STXBP6: variants seen among roughly 807,000 people sequenced by gnomAD.
STXBP6 encodes syntaxin-binding protein 6.
STXBP6 carries 21 observed loss-of-function variants against 26.9 expected under a neutral mutation model. The ratio of observed to expected loss-of-function variants is 0.78; its 90% CI spans 0.55 to 1.12. The LOEUF (loss-of-function observed/expected upper bound fraction) is 1.12. STXBP6 is among the 50% of genes most tolerant of loss of function. The probability of loss-of-function intolerance (pLI) is 0.00; values close to 1 mark genes in which losing one functional copy is unlikely to be tolerated. For missense variants in STXBP6, 232 were observed against 257.9 expected (o/e 0.90, Z 0.69); for synonymous variants, 97 against 92.6 (o/e 1.05, Z -0.27).
intron 2 of STXBP6, among the ~76,000 whole-genome samples, chr14:24,956,674 CT>C (rs1357752062): frequency 1.3e-5 from 2 of 152,058 alleles, no homozygotes; most frequent in African/African-American, 2.4e-5. Flanking sequence ...AGCACGTCAG[CT>C]TAAAGAACAA....
chr14:24,990,866 GGA>G (rs1488339376), intron 1 of STXBP6, among the ~76,000 whole-genome samples: 2 of 151,538 alleles, frequency 1.3e-5, no homozygotes, highest in Non-Finnish European at 2.9e-5. Flanking sequence ...AGAAGAGGAG[GGA>G]GAGAGAGGAA....
intron 1 of STXBP6, chr14:25,010,789 T>C (rs1230787681): frequency 6.6e-6 from 1 of 152,140 alleles, no homozygotes; most frequent in Non-Finnish European, 1.5e-5. Flanking sequence ...TTCTTTTCTT[T>C]GGGGGATAGG....
At chr14:24,906,454 A>G (rs2071390076) in intron 2 of STXBP6, among the ~76,000 whole-genome samples, 1 of 152,218 alleles carries the variant, frequency 6.6e-6, no homozygotes, top group African/African-American at 2.4e-5. Context: ...GATGATGATC[A>G]TCTGTGTGCA....
chr14:24,904,158 A>C (rs1001714242), intron 2 of STXBP6, among the ~76,000 whole-genome samples: 3 of 152,142 alleles, frequency 2.0e-5, no homozygotes, highest in African/African-American at 7.2e-5. Flanking sequence ...ATGAGAACCA[A>C]AACAAGTAAG....
At chr14:24,939,956 A>G (rs2072744828) in intron 2 of STXBP6, among the ~76,000 whole-genome samples, 1 of 152,244 alleles carries the variant, frequency 6.6e-6, no homozygotes. Context: ...GTCCCAGTCC[A>G]TATCCTCAAA....
chr14:24,933,525 C>T (rs1826463361), intron 2 of STXBP6, among the ~76,000 whole-genome samples: 1 of 152,016 alleles, frequency 6.6e-6, no homozygotes, highest in African/African-American at 2.4e-5. Flanking sequence ...AGGGGCTAAT[C>T]CACCAAAAAG....
In STXBP6 at chr14:24,858,622, A is replaced by C. The variant is rs902071676; in HGVS notation, c.155-1465T>G. Among the ~76,000 whole-genome samples the C allele has an allele frequency of 5.3e-5, 8 of 152,266 alleles. 2 individuals carry two copies. The highest frequency in any genetic ancestry group is 3.9e-4 in the Admixed American group (6 of 15,276). On this transcript the variant is annotated intron_variant, in intron 2 of 5. Transcript: ENST00000323944. ...CTTCTATTCACAAATAGGAACAACC[A>C]TTCCCTCTAATTGAATTCAGGCAGT...
intron 1 of STXBP6, among the ~76,000 whole-genome samples, chr14:24,982,426 C>A (rs1248651344): frequency 2.0e-5 from 3 of 152,228 alleles, no homozygotes; most frequent in Non-Finnish European, 2.9e-5. Context: ...ACCTGGTGAA[C>A]AGAGCACCAG....
chr14:24,979,018 T>G (rs984994654), intron 1 of STXBP6, among the ~76,000 whole-genome samples: 4 of 152,216 alleles, frequency 2.6e-5, no homozygotes, highest in African/African-American at 4.8e-5. Context: ...AAACCTCCAT[T>G]GTTAAGGCAT....
At position 24,979,488 on chromosome 14, in the gene STXBP6, A is replaced by T. The variant is rs570002388; in HGVS notation, c.-32-4638T>A. Among the ~76,000 whole-genome samples, 4 of 152,366 alleles carry T rather than the reference A, an allele frequency of 2.6e-5. No homozygotes were observed. The South Asian group carries it at 8.3e-4, about 32-fold the overall frequency. ...GAACTTCAGTTTGGTGAACCCAAAT[A>T]AGTTAGAAATAAGAGAAATAAGATT... On this transcript the variant is annotated intron_variant, in intron 1 of 5. Transcript: ENST00000323944.
At chr14:24,946,814 T>C (rs1595166157) in intron 2 of STXBP6, among the ~76,000 whole-genome samples, 1 of 152,008 alleles carries the variant, frequency 6.6e-6, no homozygotes, top group Non-Finnish European at 1.5e-5. Context: ...ATAGGGCAGA[T>C]TGGAGAGAAG....
chr14:25,041,155 T>C (rs1166060306), intron 1 of STXBP6, among the ~76,000 whole-genome samples: 2 of 151,986 alleles, frequency 1.3e-5, no homozygotes, highest in Non-Finnish European at 2.9e-5. Context: ...ACCCAGTCTC[T>C]ACTAAAAATA....
intron 2 of STXBP6, among the ~76,000 whole-genome samples, chr14:24,966,551 G>A (rs1328270591): frequency 6.6e-6 from 1 of 152,184 alleles, no homozygotes; most frequent in Non-Finnish European, 1.5e-5. Context: ...AGAGAAGGCT[G>A]TTGTGAGGAT....
rs552157546 is a variant in STXBP6 at position 25,025,795 on chromosome 14, A to G, written c.-33+24083T>C. 8.5e-5 allele frequency among the ~76,000 whole-genome samples: 13 copies of G among 152,326 alleles called. No individual in the cohort carries two copies. In the South Asian group the frequency reaches 2.7e-3, roughly 32 times the overall value. On this transcript the variant is annotated intron_variant, in intron 1 of 5. Transcript: ENST00000323944. ...CAGTGACCACCTTTTGGAGTCCCTT[A>G]AAATGAAGTCAGAGGATTCTTTCTA...
At chr14:24,934,438 T>G (rs1347354593) in intron 2 of STXBP6, among the ~76,000 whole-genome samples, 1 of 152,178 alleles carries the variant, frequency 6.6e-6, no homozygotes, top group Admixed American at 6.5e-5. Flanking sequence ...ACAACATTCT[T>G]GTTCAAAGTA....
chr14:24,984,425 T>C (rs1350334730), intron 1 of STXBP6, among the ~76,000 whole-genome samples: 1 of 152,150 alleles, frequency 6.6e-6, no homozygotes, highest in African/African-American at 2.4e-5. Context: ...ACAGAAGCAA[T>C]GTGACACTCT....
intron 1 of STXBP6, among the ~76,000 whole-genome samples, chr14:24,976,852 C>CTTTTTTTTTT (rs71121808): frequency 0.022 from 1,018 of 45,282 alleles, 183 homozygotes; most frequent in Middle Eastern, 0.033. Flanking sequence ...ACTGGGCGCT[C>CTTTTTTTTTT]TTTTTTTTTT....
At chr14:25,014,160 T>G (rs1161244105) in intron 1 of STXBP6, among the ~76,000 whole-genome samples, 1 of 152,212 alleles carries the variant, frequency 6.6e-6, no homozygotes, top group Non-Finnish European at 1.5e-5. Context: ...TATTATATTC[T>G]CTTGTACTCC....
intron 1 of STXBP6, among the ~76,000 whole-genome samples, chr14:25,016,492 T>C (rs1212805828): frequency 1.3e-5 from 2 of 152,106 alleles, no homozygotes; most frequent in Admixed American, 1.3e-4. Context: ...TCCTTTGTAG[T>C]GGGGATCTAT....
Sources: allele counts gnomAD v4.1 joint callset (sites outside exome capture counted in the v4.1 genomes callset), GRCh38; gene constraint gnomAD v4.1.1; transcripts MANE v1.5; gene names NCBI Gene and HGNC (gene_info 2026-07-23, HGNC 2026-07-21).